The following SLC7A1 variants were observed in gnomAD, a reference collection of about 807,000 sequenced individuals.
SLC7A1 encodes the protein high affinity cationic amino acid transporter 1.
A neutral mutation model predicts 53.9 loss-of-function variants in SLC7A1; 10 were observed. The ratio of observed to expected loss-of-function variants is 0.19; its 90% CI spans 0.11 to 0.31. The LOEUF is 0.31. Among genes scored for constraint, SLC7A1 ranks in the 10% least tolerant of loss-of-function variants. SLC7A1 has a pLI of 1.00. For synonymous variants in SLC7A1, 342 were observed against 338.7 expected (o/e 1.01, Z -0.11); for missense variants, 525 against 827.2 (o/e 0.63, Z 4.48).
At position 29,514,168 on chromosome 13, in the gene SLC7A1, G is replaced by A. The variant is rs1283437029; in HGVS notation, c.*312C>T. The A allele has an allele frequency of 5.5e-6, 2 of 363,926 alleles. No individual in the cohort carries two copies. The highest frequency in any genetic ancestry group is 4.1e-5 in the African/African-American group (2 of 48,796). The allele number at this position is 363,926 out of a possible 1,614,324, so 22.5% of individuals were successfully genotyped here. ...AGAGAAGGTGACCTCCGTTCTGCCT[G>A]AGGCTGCGGCAGCTCGGGGCTGAGC... is the stretch of plus-strand genomic sequence containing the variant. On this transcript the variant is annotated 3_prime_UTR_variant, in exon 13 of 13. Transcript: ENST00000380752.
intron 5 of SLC7A1, among the ~76,000 whole-genome samples, chr13:29,524,651 TC>T (rs1868802268): frequency 6.6e-6 from 1 of 152,032 alleles, no homozygotes; most frequent in Non-Finnish European, 1.5e-5. Flanking sequence ...CTACCCCGGG[TC>T]CCATATTTAC....
intron 2 of SLC7A1, among the ~76,000 whole-genome samples, chr13:29,539,684 T>C (rs143501693): frequency 0.012 from 1,759 of 152,166 alleles, 28 homozygotes; most frequent in African/African-American, 0.039. Flanking sequence ...AGGGAAGTGC[T>C]GGAGGGAAGT....
In SLC7A1 at chr13:29,509,448, C is replaced by T. The variant is rs545439819; in HGVS notation, c.*5032G>A. Reference sequence around the variant, plus strand: ...TAGAATTTATTCGAATTTGCAGAAGCATGAGATAATGTACCACAAAAGAGT... The same window carrying T: ...TAGAATTTATTCGAATTTGCAGAAGTATGAGATAATGTACCACAAAAGAGT... On this transcript the variant is annotated 3_prime_UTR_variant, in exon 13 of 13. Coordinates refer to ENST00000380752, the MANE Select transcript of SLC7A1 (RefSeq NM_003045.5). 1 of 152,544 alleles carries T rather than the reference C, an allele frequency of 6.6e-6. No individual in the cohort carries two copies. Among genetic ancestry groups the T allele is most frequent in the Non-Finnish European group, 1.5e-5 (1 of 68,042 alleles). 9.4% of individuals were successfully genotyped at this position (152,544 alleles called of 1,614,324 possible).
intron 1 of SLC7A1, among the ~76,000 whole-genome samples, chr13:29,593,507 T>C (rs1872190307): frequency 6.6e-6 from 1 of 152,256 alleles, no homozygotes; most frequent in South Asian, 2.1e-4. Context: ...GATGCACTTA[T>C]TCACATTTCA....
chr13:29,564,430 C>A (rs1256725279), intron 1 of SLC7A1, among the ~76,000 whole-genome samples: 1 of 152,148 alleles, frequency 6.6e-6, no homozygotes, highest in Non-Finnish European at 1.5e-5. Context: ...TGTGAAAAAA[C>A]CAGCTGCATA....
chr13:29,548,293 C>T (rs1011788701), intron 2 of SLC7A1, among the ~76,000 whole-genome samples: 1 of 152,194 alleles, frequency 6.6e-6, no homozygotes, highest in African/African-American at 2.4e-5. Flanking sequence ...TAGGCACACA[C>T]GGTTAGGAGC....
chr13:29,519,209 C>T (rs990185112), intron 9 of SLC7A1, among the ~76,000 whole-genome samples: 3 of 152,132 alleles, frequency 2.0e-5, no homozygotes, highest in Non-Finnish European at 4.4e-5. Flanking sequence ...ATCCACCCAA[C>T]ATTTAGCCAT....
At chr13:29,593,525 C>T (rs1872191100) in intron 1 of SLC7A1, among the ~76,000 whole-genome samples, 1 of 152,122 alleles carries the variant, frequency 6.6e-6, no homozygotes. Flanking sequence ...TCAAATTTGT[C>T]CCTAGGATTA....
rs1224498036 is a variant in SLC7A1, at chr13:29,535,900, C to T, written c.289G>A (p.Ala97Thr). The change falls in exon 3 of 13, where the codon GCT becomes ACT. Residue 97 changes from alanine (A) to threonine (T), a missense_variant. Physicochemically the swap from Ala to Thr is moderately conservative, Grantham distance 58. This residue lies in a region of SLC7A1 where 354 missense variants were observed against 587.5 expected (regional missense o/e 0.60). Coordinates refer to ENST00000380752, the MANE Select transcript of SLC7A1 (RefSeq NM_003045.5). ...ACGGTGACATAGCTGTAGAGGTAAG[C>T]TGAGCCCGTCTTGGGGACCCGAGCA... Reference protein sequence around the residue: ...FGARVPKTGSAYLYSYVTVGE... With the variant: ...FGARVPKTGSTYLYSYVTVGE... The T allele has an allele frequency of 1.2e-6, 2 of 1,614,202 alleles. No homozygotes were observed. The highest frequency in any genetic ancestry group is 1.7e-5 in the Admixed American group (1 of 60,038).
At chr13:29,564,651 T>C (rs1166800648) in intron 1 of SLC7A1, among the ~76,000 whole-genome samples, 1 of 152,316 alleles carries the variant, frequency 6.6e-6, no homozygotes, top group African/African-American at 2.4e-5. Context: ...TCAGAGGCAA[T>C]GGGATGAGGA....
chr13:29,574,643 CTTTTTTTTTTT>C (rs60597221), intron 1 of SLC7A1, among the ~76,000 whole-genome samples: 1 of 121,922 alleles, frequency 8.2e-6, no homozygotes, highest in Non-Finnish European at 1.7e-5. Context: ...GCAGCTAATG[CTTTTTTTTTTT>C]TTTTTTTTTG....
At chr13:29,594,673 G>A (rs1046554497) in intron 1 of SLC7A1, among the ~76,000 whole-genome samples, 6 of 152,360 alleles carry the variant, frequency 3.9e-5, no homozygotes, top group African/African-American at 1.4e-4. Flanking sequence ...ACCATGTGGA[G>A]GGCTTGAGGA....
intron 4 of SLC7A1, 29 bp from the exon 5 acceptor site, chr13:29,530,741 G>T (rs756410020): frequency 6.2e-7 from 1 of 1,603,122 alleles, no homozygotes; most frequent in South Asian, 1.1e-5. Context: ...ACAAAACTTT[G>T]TCTGAGTGTT....
At chr13:29,592,101 G>A (rs1340686379) in intron 1 of SLC7A1, among the ~76,000 whole-genome samples, 1 of 152,158 alleles carries the variant, frequency 6.6e-6, no homozygotes, top group African/African-American at 2.4e-5. Context: ...GCTGTTCCCA[G>A]TATTGGTCCC....
At chr13:29,526,430 C>G (rs1425707669) in intron 5 of SLC7A1, among the ~76,000 whole-genome samples, 5 of 152,150 alleles carry the variant, frequency 3.3e-5, no homozygotes, top group African/African-American at 1.2e-4. Flanking sequence ...CATGATTGTG[C>G]CACTGCACCC....
chr13:29,516,105 G>C (rs779876866), intron 12 of SLC7A1, 33 bp downstream of exon 12: 16 of 1,389,274 alleles, frequency 1.2e-5, no homozygotes, highest in Non-Finnish European at 1.6e-5. Context: ...GGGAAGCCAG[G>C]ATCTTGGACG....
intron 1 of SLC7A1, among the ~76,000 whole-genome samples, chr13:29,557,441 G>A (rs1219235857): frequency 4.6e-5 from 7 of 152,126 alleles, no homozygotes; most frequent in African/African-American, 1.7e-4. Context: ...CACCTAGGCT[G>A]CATGGGATAG....
intron 2 of SLC7A1, among the ~76,000 whole-genome samples, chr13:29,544,839 G>T (rs1869836670): frequency 6.8e-6 from 1 of 146,042 alleles, no homozygotes; most frequent in Non-Finnish European, 1.5e-5. Flanking sequence ...TGTCGTAGGG[G>T]GCACAGGTGA....
intron 9 of SLC7A1, among the ~76,000 whole-genome samples, chr13:29,518,953 G>A (rs1868497190): frequency 6.6e-6 from 1 of 152,038 alleles, no homozygotes; most frequent in Non-Finnish European, 1.5e-5. Context: ...TGACTCCACA[G>A]TGTCTCTGAA....
Sources: allele counts gnomAD v4.1 joint callset (sites outside exome capture counted in the v4.1 genomes callset), GRCh38; gene constraint gnomAD v4.1.1; regional missense constraint gnomAD v4.1.1; transcripts MANE v1.5; gene names NCBI Gene and HGNC (gene_info 2026-07-23, HGNC 2026-07-21).